Variants in NCOR1 observed in about 807,000 individuals in gnomAD.
NCOR1 encodes protein phosphatase 1, regulatory subunit 109.
Under a neutral mutation model 288.1 loss-of-function variants are expected in NCOR1, and 63 were observed. The observed-to-expected ratio is 0.22, with a 90% CI of 0.18 to 0.27. The LOEUF (loss-of-function observed/expected upper bound fraction) is 0.27, where lower values mean the gene tolerates loss of function less well. NCOR1 is among the 10% of genes least tolerant of loss of function. The pLI, the probability that NCOR1 is intolerant of heterozygous loss-of-function variation, is 1.00. For synonymous variants in NCOR1, 1,007 were observed against 1,065.9 expected (o/e 0.94, Z 1.08); for missense variants, 2,397 against 3,019.2 (o/e 0.79, Z 4.83).
intron 1 of NCOR1, among the ~76,000 whole-genome samples, chr17:16,201,402 C>G (rs2090788383): frequency 6.6e-6 from 1 of 151,742 alleles, no homozygotes; most frequent in Admixed American, 6.6e-5. Context: ...AGTTTGAGAC[C>G]AGCCTGGCCA....
Position 16,118,558 on chromosome 17 carries a change from A to G in NCOR1, c.1916-531T>C, listed in dbSNP as rs371690178. 3.9e-5 allele frequency among the ~76,000 whole-genome samples: 6 copies of G among 152,354 alleles called. No individual in the cohort carries two copies. The East Asian group carries it at 7.7e-4, about 20-fold the overall frequency. On this transcript the variant is annotated intron_variant, in intron 17 of 45. Coordinates refer to ENST00000268712, the MANE Select transcript of NCOR1 (RefSeq NM_006311.4). ...TACAATGCATTACAGAAACCTATGC[A>G]ATTTAACACTTCTCTAATCAATATA...
intron 26 of NCOR1, 81 bp downstream of exon 26, chr17:16,079,883 C>A: frequency 7.9e-7 from 1 of 1,266,452 alleles, no homozygotes; most frequent in Non-Finnish European, 1.1e-6. Flanking sequence ...ACTTAAGCCA[C>A]AAAATAGCCA....
chr17:16,171,944 T>C lies in NCOR1; in HGVS notation c.294A>G (p.Pro98=). ...SYEPFHPGPS[P]VDHDSLESKR... ...TCGATTCCAGTGAATCATGATCCAC[T>C]GGGGATGGGCCTGGATGAAACGGTT... is the stretch of plus-strand genomic sequence containing the variant. Residue 98 remains proline (P), a synonymous_variant, in exon 4 of 46, where the codon CCA becomes CCG. Transcript: ENST00000268712. 6.2e-7 allele frequency: 1 copy of C among 1,610,818 alleles called. No individual in the cohort carries two copies. Among genetic ancestry groups the C allele is most frequent in the Non-Finnish European group, 8.5e-7 (1 of 1,178,592 alleles).
At chr17:16,095,691 G>A (rs575684204) in intron 21 of NCOR1, among the ~76,000 whole-genome samples, 3 of 92,760 alleles carry the variant, frequency 3.2e-5, no homozygotes, top group African/African-American at 4.4e-5. Context: ...CGCCCCGTCC[G>A]GGAGGGAGGT....
At chr17:16,048,726 A>C (rs913330676) in intron 41 of NCOR1, 119 bp downstream of exon 41, 136 of 1,096,454 alleles carry the variant, frequency 1.2e-4, no homozygotes, top group Non-Finnish European at 1.6e-4. Context: ...TGATCCTCTA[A>C]GAATGCCATC....
At chr17:16,145,123 G>A (rs1234348592) in intron 10 of NCOR1, among the ~76,000 whole-genome samples, 1 of 152,222 alleles carries the variant, frequency 6.6e-6, no homozygotes, top group Non-Finnish European at 1.5e-5. Context: ...CTGGTCTCCA[G>A]CTCCTGACCG....
chr17:16,180,742 T>C (rs563494985), intron 3 of NCOR1, among the ~76,000 whole-genome samples: 2 of 151,874 alleles, frequency 1.3e-5, no homozygotes, highest in African/African-American at 2.4e-5. Flanking sequence ...AGCAAGACCC[T>C]ATCTCAAAAA....
At chr17:16,169,775 T>C (rs1333502021) in intron 4 of NCOR1, among the ~76,000 whole-genome samples, 4 of 152,232 alleles carry the variant, frequency 2.6e-5, no homozygotes, top group Non-Finnish European at 4.4e-5. Flanking sequence ...CAAAATTCTA[T>C]AGTTACAAAT....
chr17:16,136,652 A>G (rs916589554), intron 14 of NCOR1, among the ~76,000 whole-genome samples: 7 of 152,022 alleles, frequency 4.6e-5, no homozygotes, highest in Non-Finnish European at 7.4e-5. Context: ...CTAAAAATAC[A>G]AAAACTTAGC....
At chr17:16,093,476 C>G (rs2065768062) in intron 21 of NCOR1, among the ~76,000 whole-genome samples, 2 of 152,216 alleles carry the variant, frequency 1.3e-5, no homozygotes, top group African/African-American at 4.8e-5. Flanking sequence ...TTCTGTCTCT[C>G]TGACTTTATG....
In NCOR1 at chr17:16,057,691, G is replaced by A. The variant is rs576951960; in HGVS notation, c.6215C>T (p.Thr2072Ile). The change falls in exon 40 of 46, where the codon ACT (threonine) becomes ATT (isoleucine). Residue 2072 changes from threonine to isoleucine, a missense_variant. Thr to Ile is a moderately conservative substitution (Grantham distance 89). Around this residue, in one of 11 missense-constraint regions of NCOR1, gnomAD observed 1,872 missense variants for 2,187.8 expected, o/e 0.86. Coordinates refer to ENST00000268712, the MANE Select transcript of NCOR1 (RefSeq NM_006311.4). The part of the protein sequence containing the change: ...DFARNQVSSQ[T>I]PQQPPTSTFQ... ...TGTAGAAGTAGGAGGCTGCTGGGGA[G>A]TCTGCGAGGAAACTTGATTTCTAGC... is the stretch of plus-strand genomic sequence containing the variant. The A allele has an allele frequency of 1.2e-4, 190 of 1,614,018 alleles. 3 individuals carry two copies. In the South Asian group the frequency reaches 2.0e-3, roughly 17 times the overall value.
intron 42 of NCOR1, chr17:16,041,128 C>T (rs756099593): frequency 3.9e-5 from 6 of 152,222 alleles, no homozygotes; most frequent in African/African-American, 1.4e-4. Flanking sequence ...GCATGGCTAA[C>T]TGGAAACTCA....
chr17:16,074,459 G>C (rs376588379), intron 27 of NCOR1, among the ~76,000 whole-genome samples: 2 of 152,056 alleles, frequency 1.3e-5, no homozygotes, highest in African/African-American at 2.4e-5. Context: ...AAGAAACAGA[G>C]GTGTGTAGAC....
chr17:16,163,215 A>C (rs1599700935), intron 5 of NCOR1, among the ~76,000 whole-genome samples: 2 of 152,156 alleles, frequency 1.3e-5, no homozygotes. Context: ...AAAGGATACT[A>C]CCAGGAAAGT....
chr17:16,171,838 G>C lies in NCOR1; in HGVS notation c.400C>G (p.Pro134Ala). The C allele has an allele frequency of 6.2e-7, 1 of 1,609,800 alleles. No individual in the cohort carries two copies. Residue 134 changes from proline to alanine, a missense_variant, in exon 4 of 46, where the codon CCA becomes GCA. Pro to Ala is a conservative substitution (Grantham distance 27). Coordinates refer to ENST00000268712, the MANE Select transcript of NCOR1 (RefSeq NM_006311.4). ...AAVLPLVHPL[P>A]EGLRASADAK... Reference sequence around the variant, plus strand: ...TCTGCAGAAGCCCTCAGCCCTTCTGGCAGCGGGTGCACTAAAGGCAAAACC... The same window carrying C: ...TCTGCAGAAGCCCTCAGCCCTTCTGCCAGCGGGTGCACTAAAGGCAAAACC...
chr17:16,084,080 CCCTTG>C (rs1237184992), intron 23 of NCOR1: 3 of 152,106 alleles, frequency 2.0e-5, no homozygotes, highest in Non-Finnish European at 2.9e-5. Flanking sequence ...CTGAAGTATA[CCCTTG>C]ACTGGATCTA....
chr17:16,050,961 T>C (rs1452519607), intron 40 of NCOR1, among the ~76,000 whole-genome samples: 1 of 152,168 alleles, frequency 6.6e-6, no homozygotes, highest in Non-Finnish European at 1.5e-5. Context: ...GGCTCCCAAG[T>C]AGCTGGGACT....
At chr17:16,078,662 G>A (rs762889052) in intron 26 of NCOR1, among the ~76,000 whole-genome samples, 1 of 151,622 alleles carries the variant, frequency 6.6e-6, no homozygotes, top group Non-Finnish European at 1.5e-5. Context: ...TGCAACCTCC[G>A]CCTCCCAGGT....
At chr17:16,196,343 T>G (rs1184842166) in intron 1 of NCOR1, among the ~76,000 whole-genome samples, 1 of 151,912 alleles carries the variant, frequency 6.6e-6, no homozygotes, top group Non-Finnish European at 1.5e-5. Context: ...AAATAAAATT[T>G]TTTAGGGAAT....
Sources: allele counts gnomAD v4.1 joint callset (sites outside exome capture counted in the v4.1 genomes callset), GRCh38; gene constraint gnomAD v4.1.1; regional missense constraint gnomAD v4.1.1; transcripts MANE v1.5; gene names NCBI Gene and HGNC (gene_info 2026-07-23, HGNC 2026-07-21).